Variants in MRPS27 observed in about 807,000 individuals in gnomAD.
The protein encoded by MRPS27 is mitochondrial ribosomal protein S27.
MRPS27 carries 43 observed loss-of-function variants against 48.9 expected under a neutral mutation model. That is an observed-to-expected ratio of 0.88 (90% CI 0.69 to 1.13). The LOEUF (loss-of-function observed/expected upper bound fraction) is 1.13, where lower values mean the gene tolerates loss of function less well. Among genes scored for constraint, MRPS27 ranks in the 50% most tolerant of loss-of-function variants. MRPS27 has a pLI of 0.00. For synonymous variants in MRPS27, 188 were observed against 171.9 expected (o/e 1.09, Z -0.73); for missense variants, 467 against 476.3 (o/e 0.98, Z 0.18).
At chr5:72,248,525 T>C (rs973658115) in intron 4 of MRPS27, among the ~76,000 whole-genome samples, 1 of 152,092 alleles carries the variant, frequency 6.6e-6, no homozygotes, top group Non-Finnish European at 1.5e-5. Context: ...TGTCTGAAAG[T>C]GCCAGGAGAC....
chr5:72,252,091 A>G (rs1748682144), intron 4 of MRPS27, among the ~76,000 whole-genome samples: 1 of 152,240 alleles, frequency 6.6e-6, no homozygotes, highest in Admixed American at 6.5e-5. Flanking sequence ...GTTGAAAAAA[A>G]ATTATGGGTA....
At chr5:72,223,935 AG>A in intron 9 of MRPS27, 85 bp from the exon 10 acceptor site, 1 of 1,301,414 alleles carries the variant, frequency 7.7e-7, no homozygotes, top group South Asian at 1.4e-5. Flanking sequence ...GGCGAAAGAA[AG>A]GAAGAATGAG....
chr5:72,312,046 C>T (rs1214577809), intron 2 of MRPS27, among the ~76,000 whole-genome samples: 3 of 152,150 alleles, frequency 2.0e-5, no homozygotes, highest in Admixed American at 6.5e-5. Flanking sequence ...GCAGGAGAAT[C>T]GCTTGAACCC....
intron 4 of MRPS27, among the ~76,000 whole-genome samples, chr5:72,252,496 T>C (rs1748694549): frequency 6.6e-6 from 1 of 152,200 alleles, no homozygotes; most frequent in South Asian, 2.1e-4. Context: ...AGCATTATCC[T>C]AAGTACTTTA....
At chr5:72,313,622 A>T (rs2112090809) in intron 2 of MRPS27, among the ~76,000 whole-genome samples, 2 of 152,298 alleles carry the variant, frequency 1.3e-5, no homozygotes, top group East Asian at 3.9e-4. Context: ...ATGTTAACCA[A>T]CTATTTCTCT....
At chr5:72,284,097 C>T (rs1749602891) in intron 4 of MRPS27, among the ~76,000 whole-genome samples, 1 of 152,084 alleles carries the variant, frequency 6.6e-6, no homozygotes, top group African/African-American at 2.4e-5. Flanking sequence ...CTGCAGATGA[C>T]TATCTTGAGG....
chr5:72,319,935 C>A, intron 1 of MRPS27: 2 of 602,548 alleles, frequency 3.3e-6, no homozygotes, highest in Middle Eastern at 3.0e-4. Context: ...TATAACCTTC[C>A]ACTGCTCTTC....
At chr5:72,222,289 T>C (rs1747768497) in intron 10 of MRPS27, among the ~76,000 whole-genome samples, 2 of 152,124 alleles carry the variant, frequency 1.3e-5, no homozygotes, top group African/African-American at 2.4e-5. Context: ...AAACTACGAG[T>C]TGGCAAACTT....
chr5:72,286,709 T>C lies in MRPS27; in HGVS notation c.281+8822A>G, dbSNP rs115019471. ...ATGCAGTCTTTTTATGCCCACTGAA[T>C]AGACCTTTCCTGTCAGCTGCTGTTA... On this transcript the variant is annotated intron_variant, in intron 4 of 10. Coordinates refer to ENST00000261413, the MANE Select transcript of MRPS27 (RefSeq NM_015084.3). 5.1e-3 allele frequency among the ~76,000 whole-genome samples: 776 copies of C among 152,348 alleles called. 3 individuals are homozygous for C. The highest frequency in any genetic ancestry group is 0.018 in the African/African-American group (746 of 41,572).
intron 4 of MRPS27, among the ~76,000 whole-genome samples, chr5:72,267,638 A>C (rs1213334704): frequency 6.6e-6 from 1 of 152,218 alleles, no homozygotes; most frequent in Non-Finnish European, 1.5e-5. Flanking sequence ...AAGTTCTGGG[A>C]ATATAAAATC....
chr5:72,286,090 CTTT>C (rs1275450317), intron 4 of MRPS27, among the ~76,000 whole-genome samples: 2 of 152,180 alleles, frequency 1.3e-5, no homozygotes, highest in Non-Finnish European at 2.9e-5. Context: ...TTATAATCTT[CTTT>C]GTTAGTTCCT....
intron 4 of MRPS27, among the ~76,000 whole-genome samples, chr5:72,260,772 T>C (rs1561343547): frequency 6.6e-6 from 1 of 152,226 alleles, no homozygotes; most frequent in Non-Finnish European, 1.5e-5. Flanking sequence ...TGGTTCAAAA[T>C]ATACATGGAA....
chr5:72,268,173 A>G (rs976928009), intron 4 of MRPS27, among the ~76,000 whole-genome samples: 3 of 152,148 alleles, frequency 2.0e-5, no homozygotes, highest in Non-Finnish European at 4.4e-5. Flanking sequence ...AAAAGAAAAA[A>G]AAATTATAAG....
intron 2 of MRPS27, 28 bp from the exon 3 acceptor site, chr5:72,297,730 C>T (rs1441609656): frequency 6.8e-7 from 1 of 1,460,652 alleles, no homozygotes; most frequent in Admixed American, 2.0e-5. Context: ...GAAAAAAAAC[C>T]TTGTTAAAGA....
chr5:72,222,206 A>C (rs1247252340), intron 10 of MRPS27, among the ~76,000 whole-genome samples: 2 of 152,190 alleles, frequency 1.3e-5, no homozygotes, highest in Non-Finnish European at 2.9e-5. Context: ...AACGAAAATG[A>C]TCTCTCTCTG....
chr5:72,295,741 G>T, intron 3 of MRPS27, 152 bp from the exon 4 acceptor site: 1 of 614,648 alleles, frequency 1.6e-6, no homozygotes, highest in Admixed American at 3.0e-5. Context: ...CACGTGGTAT[G>T]GCTCCATCCT....
At chr5:72,274,586 G>T (rs1749326088) in intron 4 of MRPS27, among the ~76,000 whole-genome samples, 1 of 152,088 alleles carries the variant, frequency 6.6e-6, no homozygotes, top group South Asian at 2.1e-4. Flanking sequence ...TCATAAGTAG[G>T]AGTACACTCT....
At chr5:72,289,605 A>G (rs1749766857) in intron 4 of MRPS27, among the ~76,000 whole-genome samples, 1 of 151,870 alleles carries the variant, frequency 6.6e-6, no homozygotes, top group Non-Finnish European at 1.5e-5. Context: ...GTATCTTTTT[A>G]TAGAGATAAG....
chr5:72,240,468 T>C (rs1748319900), intron 4 of MRPS27, among the ~76,000 whole-genome samples: 1 of 152,214 alleles, frequency 6.6e-6, no homozygotes, highest in Non-Finnish European at 1.5e-5. Context: ...AAATGCCAAT[T>C]ACTACCCTCA....
Sources: allele counts gnomAD v4.1 joint callset (sites outside exome capture counted in the v4.1 genomes callset), GRCh38; gene constraint gnomAD v4.1.1; transcripts MANE v1.5; gene names NCBI Gene and HGNC (gene_info 2026-07-23, HGNC 2026-07-21).